The following COL24A1 variants were observed in gnomAD, a reference collection of about 807,000 sequenced individuals.
COL24A1 encodes collagen type XXIV alpha 1 chain, also known as collagen alpha-1(XXIV) chain.
Under a neutral mutation model 253.9 loss-of-function variants are expected in COL24A1, and 224 were observed. The observed-to-expected ratio is 0.88, with a 90% confidence interval of 0.79 to 0.99. The LOEUF is 0.99. Ranked by LOEUF, COL24A1 falls within the 50% of genes least tolerant of loss-of-function variation. The pLI is 0.00. For missense variants in COL24A1, 2,131 were observed against 2,068.5 expected (o/e 1.03, Z -0.59); for synonymous variants, 685 against 673.7 (o/e 1.02, Z -0.26).
Position 86,112,824 on chromosome 1 carries a change from A to G in COL24A1, c.1546-204T>C, listed in dbSNP as rs906275598. Among the ~76,000 whole-genome samples the G allele has an allele frequency of 2.2e-4, 33 of 152,154 alleles. 1 individual carries two copies. The highest frequency in any genetic ancestry group is 7.0e-4 in the African/African-American group (29 of 41,438). The stretch of plus-strand genomic sequence containing the variant: ...TTCTTCAGATCTCAACTCATTTTTA[A>G]ATCCTAGCCACAAGAACATGAAGCA... On this transcript the variant is annotated intron_variant, in intron 4 of 59. Transcript: ENST00000370571.
intron 47 of COL24A1, among the ~76,000 whole-genome samples, chr1:85,790,987 G>A (rs1364570287): frequency 6.6e-6 from 1 of 152,100 alleles, no homozygotes; most frequent in East Asian, 1.9e-4. Flanking sequence ...AAGTTTCTGA[G>A]TGTTCACTTC....
At chr1:85,862,851 A>C (rs1313032290) in intron 37 of COL24A1, among the ~76,000 whole-genome samples, 1 of 152,242 alleles carries the variant, frequency 6.6e-6, no homozygotes, top group African/African-American at 2.4e-5. Context: ...ACTTCTGTGA[A>C]GAAAGTCAAT....
intron 10 of COL24A1, among the ~76,000 whole-genome samples, chr1:86,055,989 G>A (rs572107397): frequency 1.1e-4 from 16 of 151,992 alleles, no homozygotes; most frequent in African/African-American, 3.9e-4. Flanking sequence ...GTGGTGGCAG[G>A]CGCCTGTAGT....
intron 43 of COL24A1, among the ~76,000 whole-genome samples, chr1:85,836,461 T>A (rs1294630682): frequency 6.6e-6 from 1 of 152,226 alleles, no homozygotes; most frequent in African/African-American, 2.4e-5. Context: ...CAGAGTGAAA[T>A]CATAGCATAT....
intron 20 of COL24A1, among the ~76,000 whole-genome samples, chr1:85,977,130 T>C (rs1363942622): frequency 6.6e-6 from 1 of 152,114 alleles, no homozygotes; most frequent in Non-Finnish European, 1.5e-5. Context: ...TAACAATCAC[T>C]GCAGTCCAGC....
At chr1:85,933,077 T>G (rs1687915150) in intron 24 of COL24A1, among the ~76,000 whole-genome samples, 1 of 103,128 alleles carries the variant, frequency 9.7e-6, no homozygotes, top group African/African-American at 3.9e-5. Context: ...CCCTAAAACT[T>G]AGAGTATAAT....
intron 26 of COL24A1, 120 bp from the exon 27 acceptor site, chr1:85,908,771 T>C (rs537270826): frequency 4.8e-4 from 211 of 442,822 alleles, no homozygotes; most frequent in South Asian, 2.5e-3. Flanking sequence ...ACAATGTTTC[T>C]TTTGTAACCA....
intron 32 of COL24A1, among the ~76,000 whole-genome samples, chr1:85,878,422 C>T (rs1681443490): frequency 6.6e-6 from 1 of 152,194 alleles, no homozygotes; most frequent in Non-Finnish European, 1.5e-5. Flanking sequence ...ATACCATTAC[C>T]TTGGGAATTG....
intron 1 of COL24A1, among the ~76,000 whole-genome samples, chr1:86,147,255 A>G (rs548312218): frequency 6.6e-6 from 1 of 152,306 alleles, no homozygotes; most frequent in Admixed American, 6.5e-5. Context: ...AAGAAAGATG[A>G]TCTTTTTACA....
intron 43 of COL24A1, among the ~76,000 whole-genome samples, chr1:85,829,923 C>T (rs1010046487): frequency 1.3e-5 from 2 of 152,072 alleles, no homozygotes; most frequent in Non-Finnish European, 2.9e-5. Context: ...TCTCTGAGTT[C>T]ATCAAAGTCA....
intron 43 of COL24A1, among the ~76,000 whole-genome samples, chr1:85,827,209 T>C (rs1221815722): frequency 6.6e-6 from 1 of 152,006 alleles, no homozygotes; most frequent in Non-Finnish European, 1.5e-5. Context: ...TTTGGTTCTG[T>C]TTATATGGTG....
chr1:85,823,565 G>T lies in COL24A1; in HGVS notation c.3760C>A (p.Gln1254Lys), dbSNP rs754214768. The T allele has an allele frequency of 1.5e-5, 24 of 1,613,824 alleles. No individual in the cohort carries two copies. Among genetic ancestry groups the T allele is most frequent in the Non-Finnish European group, 2.0e-5 (24 of 1,179,908 alleles). The change falls in exon 45 of 60, where the codon CAA becomes AAA. Residue 1254 changes from glutamine to lysine, a missense_variant. Coordinates refer to ENST00000370571, the MANE Select transcript of COL24A1 (RefSeq NM_152890.7). ...GATCCTCTCTCTCCTTTTAGTCCTT[G>T]TTCACCCTGGTCACCTGGTTCGCCC... is the stretch of plus-strand genomic sequence containing the variant. The part of the protein sequence containing the change: ...PPGEPGDQGE[Q>K]GLKGERGSEG...
chr1:85,904,778 C>G (rs1406852999), intron 28 of COL24A1, among the ~76,000 whole-genome samples: 1 of 152,020 alleles, frequency 6.6e-6, no homozygotes, highest in African/African-American at 2.4e-5. Context: ...TTGGGGTTTT[C>G]CTGTCCTTTG....
At chr1:86,002,973 G>A (rs1695577945) in intron 19 of COL24A1, among the ~76,000 whole-genome samples, 1 of 152,128 alleles carries the variant, frequency 6.6e-6, no homozygotes, top group Non-Finnish European at 1.5e-5. Flanking sequence ...ACAGGAAAGG[G>A]CAACATCATA....
At chr1:86,080,707 T>C (rs965080352) in intron 7 of COL24A1, among the ~76,000 whole-genome samples, 8 of 152,046 alleles carry the variant, frequency 5.3e-5, no homozygotes, top group African/African-American at 1.9e-4. Context: ...AAATATGTTA[T>C]CAATACGTTA....
At chr1:85,933,088 A>T (rs1228341230) in intron 24 of COL24A1, among the ~76,000 whole-genome samples, 2 of 17,954 alleles carry the variant, frequency 1.1e-4, no homozygotes, top group East Asian at 1.5e-3. Context: ...AGAGTATAAT[A>T]AAAAAAAAAA....
chr1:85,861,107 A>G (rs2102440296), intron 37 of COL24A1, among the ~76,000 whole-genome samples: 1 of 152,308 alleles, frequency 6.6e-6, no homozygotes, highest in Non-Finnish European at 1.5e-5. Context: ...TGCAGATTTT[A>G]TATCTCATCA....
rs372212322 is a variant in COL24A1, at chr1:85,818,022, C to T, written c.3843+12G>A. On this transcript the variant is annotated intron_variant, in intron 46 of 59. Coordinates refer to ENST00000370571, the MANE Select transcript of COL24A1 (RefSeq NM_152890.7). ...AGAAAAGCAAGAAAGATGAAAGAGG[C>T]CTGTTACTTACAGGAATCCCAGGTT... is the stretch of plus-strand genomic sequence containing the variant. 6.2e-6 allele frequency: 10 copies of T among 1,612,090 alleles called. No homozygotes were observed. The African/African-American group carries it at 1.2e-4, about 19-fold the overall frequency.
chr1:85,916,942 A>G (rs1685950812), intron 24 of COL24A1, among the ~76,000 whole-genome samples: 1 of 152,238 alleles, frequency 6.6e-6, no homozygotes, highest in South Asian at 2.1e-4. Context: ...TAGGAGACAT[A>G]TAGAAAGACG....
Sources: allele counts gnomAD v4.1 joint callset (sites outside exome capture counted in the v4.1 genomes callset), GRCh38; gene constraint gnomAD v4.1.1; transcripts MANE v1.5; gene names NCBI Gene and HGNC (gene_info 2026-07-23, HGNC 2026-07-21).